The following GGACT variants were observed in gnomAD, a reference collection of about 807,000 sequenced individuals.
The protein encoded by GGACT is gamma-glutamylaminecyclotransferase.
For synonymous variants in GGACT, 118 were observed against 115.3 expected, an observed-to-expected ratio of 1.02 and a Z score of -0.15; for missense variants, 241 against 233.2, an observed-to-expected ratio of 1.03 and a Z score of -0.22.
chr13:100,551,021 A>AT (rs1408564027), intron 2 of GGACT, among the ~76,000 whole-genome samples: 2 of 152,216 alleles, frequency 1.3e-5, no homozygotes, highest in East Asian at 3.8e-4. Flanking sequence ...GCGGTGGCTC[A>AT]TGCCTGTAAT....
chr13:100,553,759 G>C (rs904200250), intron 2 of GGACT, among the ~76,000 whole-genome samples: 1 of 149,622 alleles, frequency 6.7e-6, no homozygotes, highest in Non-Finnish European at 1.5e-5. Context: ...CAGAAGAATC[G>C]CTTGCACCAG....
At chr13:100,544,659 C>T (rs897156596) in intron 2 of GGACT, among the ~76,000 whole-genome samples, 1 of 152,254 alleles carries the variant, frequency 6.6e-6, no homozygotes, top group Non-Finnish European at 1.5e-5. Context: ...CCTGATGCCA[C>T]CCCAGGCCTC....
In GGACT at chr13:100,531,646, G is replaced by A. The variant is rs1030372569; in HGVS notation, c.*484C>T. 10 of 154,698 alleles carry A rather than the reference G, an allele frequency of 6.5e-5. No individual in the cohort carries two copies. Among genetic ancestry groups the A allele is most frequent in the Non-Finnish European group, 1.1e-4 (8 of 69,890 alleles). 9.6% of individuals were successfully genotyped at this position (154,698 alleles called of 1,614,324 possible). ...AAAATTAGGAAGAATGGTGCTATAC[G>A]CACTCTGATATACAGCATGCTTGCC... On this transcript the variant is annotated 3_prime_UTR_variant, in exon 3 of 3. Transcript: ENST00000683975.
chr13:100,569,206 G>T (rs55770379), intron 2 of GGACT, among the ~76,000 whole-genome samples: 1,530 of 152,354 alleles, frequency 0.01, 15 homozygotes, highest in Non-Finnish European at 0.015. Flanking sequence ...GACTCTGTGT[G>T]GGGGCTTCAA....
intron 2 of GGACT, among the ~76,000 whole-genome samples, chr13:100,559,279 C>T (rs1252035392): frequency 1.3e-5 from 2 of 152,200 alleles, no homozygotes; most frequent in Non-Finnish European, 2.9e-5. Context: ...CCTCCGCCTC[C>T]CTGGCTCAAG....
At chr13:100,554,712 A>G (rs1335676881) in intron 2 of GGACT, among the ~76,000 whole-genome samples, 1 of 152,198 alleles carries the variant, frequency 6.6e-6, no homozygotes, top group African/African-American at 2.4e-5. Context: ...ATGTCAGCAT[A>G]TCAAAGAAAA....
intron 2 of GGACT, among the ~76,000 whole-genome samples, chr13:100,551,342 T>C (rs1188985178): frequency 6.6e-6 from 1 of 151,988 alleles, no homozygotes; most frequent in African/African-American, 2.4e-5. Context: ...ACCAAGGATG[T>C]TCTCCTCTCT....
At chr13:100,574,103 T>C (rs1411224257) in intron 2 of GGACT, among the ~76,000 whole-genome samples, 1 of 152,222 alleles carries the variant, frequency 6.6e-6, no homozygotes, top group African/African-American at 2.4e-5. Flanking sequence ...ATTGCTGTAC[T>C]ATTCACAACA....
intron 1 of GGACT, among the ~76,000 whole-genome samples, chr13:100,587,412 A>C (rs1875611756): frequency 6.6e-6 from 1 of 152,250 alleles, no homozygotes; most frequent in Admixed American, 6.5e-5. Context: ...ATTAGAAATT[A>C]ATTTAACTTT....
chr13:100,556,992 C>T lies in GGACT; in HGVS notation c.-10-24391G>A, dbSNP rs147486204. Among the ~76,000 whole-genome samples the T allele has an allele frequency of 3.5e-3, 534 of 152,164 alleles. 3 individuals carry two copies. The highest frequency in any genetic ancestry group is 0.012 in the African/African-American group (510 of 41,496). On this transcript the variant is annotated intron_variant, in intron 2 of 2. Coordinates refer to ENST00000683975, the MANE Select transcript of GGACT (RefSeq NM_001195087.2). The stretch of plus-strand genomic sequence containing the variant: ...GCAACCTCCACCTCCCAGGTTCAAG[C>T]GATTCTCATGCCTCAGCCTCCCAAG...
At chr13:100,539,953 G>A in intron 2 of GGACT, 1 of 1,556,844 alleles carries the variant, frequency 6.4e-7, no homozygotes, top group Non-Finnish European at 8.7e-7. Flanking sequence ...TCTAAATCGA[G>A]GTGGGGGTGT....
At chr13:100,577,211 T>C (rs1368945868) in intron 2 of GGACT, among the ~76,000 whole-genome samples, 3 of 151,532 alleles carry the variant, frequency 2.0e-5, no homozygotes, top group Admixed American at 6.6e-5. Flanking sequence ...AGGTCAGGAG[T>C]TCAAGACCAG....
chr13:100,584,967 CT>C lies in GGACT; in HGVS notation c.-183-971del, dbSNP rs1461869200. 2.6e-5 allele frequency among the ~76,000 whole-genome samples: 4 copies of C among 152,156 alleles called. No individual in the cohort carries two copies. In the East Asian group the frequency reaches 7.7e-4, roughly 29 times the overall value. On this transcript the variant is annotated intron_variant, in intron 1 of 2. Coordinates refer to ENST00000683975, the MANE Select transcript of GGACT (RefSeq NM_001195087.2). The stretch of plus-strand genomic sequence containing the variant: ...GATTCTTTGATGAGGGTTTCCAAGT[CT>C]TTAAAGTCAGATAAATTTAGATTTA...
chr13:100,570,327 G>A (rs915999879), intron 2 of GGACT, among the ~76,000 whole-genome samples: 3 of 152,158 alleles, frequency 2.0e-5, no homozygotes, highest in Admixed American at 6.5e-5. Flanking sequence ...TAGCTGAGGA[G>A]GCCTCAGGAA....
intron 2 of GGACT, among the ~76,000 whole-genome samples, chr13:100,578,640 C>A (rs886090544): frequency 6.6e-6 from 1 of 152,212 alleles, no homozygotes; most frequent in Non-Finnish European, 1.5e-5. Flanking sequence ...CCCTCCAATG[C>A]CGTCAAACCA....
intron 2 of GGACT, among the ~76,000 whole-genome samples, chr13:100,569,263 G>A (rs1008963086): frequency 2.0e-5 from 3 of 152,268 alleles, no homozygotes; most frequent in Non-Finnish European, 4.4e-5. Context: ...TCTCTATGAG[G>A]GCTCTGCCCC....
chr13:100,580,429 A>G (rs1217562929), intron 2 of GGACT, among the ~76,000 whole-genome samples: 1 of 152,202 alleles, frequency 6.6e-6, no homozygotes, highest in Non-Finnish European at 1.5e-5. Context: ...TTGCCGCAGA[A>G]CGCCTGGAGC....
chr13:100,582,550 T>C (rs927145381), intron 2 of GGACT, among the ~76,000 whole-genome samples: 1 of 152,140 alleles, frequency 6.6e-6, no homozygotes, highest in African/African-American at 2.4e-5. Context: ...GAGGAATCCT[T>C]AAAACTGGAA....
At chr13:100,550,078 A>T (rs1331408501) in intron 2 of GGACT, among the ~76,000 whole-genome samples, 1 of 152,138 alleles carries the variant, frequency 6.6e-6, no homozygotes, top group Non-Finnish European at 1.5e-5. Context: ...GCAATTCGGC[A>T]TGTGTCCCTG....
Sources: allele counts gnomAD v4.1 joint callset (sites outside exome capture counted in the v4.1 genomes callset), GRCh38; gene constraint gnomAD v4.1.1; transcripts MANE v1.5; gene names NCBI Gene and HGNC (gene_info 2026-07-23, HGNC 2026-07-21).